CABIN1: variants seen among roughly 807,000 people sequenced by gnomAD.
CABIN1 encodes the protein calcineurin-binding protein cabin-1.
In CABIN1, 133 loss-of-function variants were observed where a neutral mutation model predicts 227.7. The observed-to-expected ratio is 0.58, with a 90% confidence interval of 0.51 to 0.67. The LOEUF (loss-of-function observed/expected upper bound fraction) is 0.67, where lower values mean the gene tolerates loss of function less well. CABIN1 is among the 30% of genes least tolerant of loss of function. The pLI, the probability that CABIN1 is intolerant of heterozygous loss-of-function variation, is 0.00. For missense variants in CABIN1, 2,408 were observed against 2,852.5 expected (o/e 0.84, Z 3.55); for synonymous variants, 1,086 against 1,155.1 (o/e 0.94, Z 1.21).
chr22:24,032,603 G>C (rs931675128), intron 1 of CABIN1, among the ~76,000 whole-genome samples: 1 of 152,138 alleles, frequency 6.6e-6, no homozygotes, highest in African/African-American at 2.4e-5. Context: ...ATTCTCACCA[G>C]GAATGTACAA....
chr22:24,116,676 G>C (rs1243647332), intron 27 of CABIN1, among the ~76,000 whole-genome samples: 2 of 152,246 alleles, frequency 1.3e-5, no homozygotes, highest in Admixed American at 6.5e-5. Flanking sequence ...CCTCTCAGCT[G>C]TTGGTGTCTT....
intron 26 of CABIN1, chr22:24,101,708 A>T (rs2042210890): frequency 6.6e-6 from 1 of 152,256 alleles, no homozygotes; most frequent in South Asian, 2.1e-4. Flanking sequence ...GAAATCCCTA[A>T]TGTTGAAGCT....
At chr22:24,078,435 C>T (rs1488606729) in intron 19 of CABIN1, among the ~76,000 whole-genome samples, 2 of 152,148 alleles carry the variant, frequency 1.3e-5, no homozygotes, top group African/African-American at 4.8e-5. Context: ...CTCTTCTTGC[C>T]CCAGGCTCAT....
intron 29 of CABIN1, among the ~76,000 whole-genome samples, chr22:24,159,139 GC>G (rs2046005279): frequency 6.6e-6 from 1 of 152,216 alleles, no homozygotes; most frequent in Non-Finnish European, 1.5e-5. Context: ...CTCCCAGGAG[GC>G]CAGGCTCTGC....
Position 24,060,069 on chromosome 22 carries a change from C to T in CABIN1, c.1545C>T (p.Tyr515=), listed in dbSNP as rs763351856. The change falls in exon 12 of 37, where the codon TAC becomes TAT. Residue 515 remains tyrosine, a synonymous_variant. Coordinates refer to ENST00000263119, the MANE Select transcript of CABIN1 (RefSeq NM_012295.4). ...TGGCGGAGGTCGTGCTCAGCGTCTA[C>T]CACAGCTGGAGGAGGCACAGCACCA... The part of the protein sequence containing the change: ...PGLAEVVLSV[Y]HSWRRHSTSL... 3 of 1,614,110 alleles carry T rather than the reference C, an allele frequency of 1.9e-6. No individual in the cohort carries two copies. Among genetic ancestry groups the T allele is most frequent in the Non-Finnish European group, 1.7e-6 (2 of 1,180,018 alleles).
At position 24,095,921 on chromosome 22, in the gene CABIN1, G is replaced by A. The variant is rs375652444; in HGVS notation, c.3787-10G>A. ...GAAGGCTGCTCACACTAGAGGTGTC[G>A]TTCTCCTAGGTGTACTTTCGGCTCC... is the stretch of plus-strand genomic sequence containing the variant. On this transcript the variant is annotated splice_polypyrimidine_tract_variant and intron_variant, in intron 24 of 36. Transcript: ENST00000263119. 1.4e-4 allele frequency: 218 copies of A among 1,613,758 alleles called. 2 individuals are homozygous for A. The highest frequency in any genetic ancestry group is 1.5e-4 in the Non-Finnish European group (180 of 1,179,896).
Position 24,178,302 on chromosome 22 carries a change from C to G in CABIN1, c.*106C>G. 7.1e-7 allele frequency: 1 copy of G among 1,411,438 alleles called. No individual in the cohort carries two copies. The highest frequency in any genetic ancestry group is 9.7e-7 in the Non-Finnish European group (1 of 1,028,062). 87.4% of individuals were successfully genotyped at this position (1,411,438 alleles called of 1,614,324 possible). ...CCAGAGGCCCACATGGATGCCACTC[C>G]CCACACAGCCCCCAGGCCTGCCCAG... On this transcript the variant is annotated 3_prime_UTR_variant, in exon 37 of 37. Transcript: ENST00000263119.
At chr22:24,160,128 C>T (rs989873260) in intron 29 of CABIN1, among the ~76,000 whole-genome samples, 1 of 152,088 alleles carries the variant, frequency 6.6e-6, no homozygotes, top group African/African-American at 2.4e-5. Context: ...ACTCAGTTTC[C>T]CTCTCTGGAA....
intron 8 of CABIN1, among the ~76,000 whole-genome samples, chr22:24,053,913 T>C (rs1215584615): frequency 6.6e-6 from 1 of 151,586 alleles, no homozygotes; most frequent in East Asian, 1.9e-4. Context: ...GCTCTAGGGG[T>C]TGGGGAAGGC....
At chr22:24,113,272 T>A (rs1207350450) in intron 26 of CABIN1, among the ~76,000 whole-genome samples, 1 of 152,236 alleles carries the variant, frequency 6.6e-6, no homozygotes, top group Non-Finnish European at 1.5e-5. Context: ...AATCAGTAAG[T>A]GCTATTAATC....
intron 5 of CABIN1, 25 bp from the exon 6 acceptor site, chr22:24,042,879 T>TGTGTGTGTGTGTGTGTGTGA: frequency 6.9e-7 from 1 of 1,450,352 alleles, no homozygotes; most frequent in Non-Finnish European, 9.5e-7. Context: ...TGTGTGTGTT[T>TGTGTGTGTGTGTGTGTGTGA]GCCCTCTGCT....
chr22:24,032,522 A>T (rs965983303), intron 1 of CABIN1, among the ~76,000 whole-genome samples: 7 of 152,176 alleles, frequency 4.6e-5, no homozygotes, highest in African/African-American at 1.7e-4. Context: ...TTTCTGGGTC[A>T]TGTAGTAATT....
chr22:24,066,914 A>C (rs2039721981), intron 15 of CABIN1, 73 bp from the exon 16 acceptor site: 7 of 1,468,130 alleles, frequency 4.8e-6, no homozygotes, highest in Non-Finnish European at 6.7e-6. Context: ...TGATAAAAAC[A>C]AACACTGGCC....
chr22:24,126,651 G>A (rs145859946), intron 28 of CABIN1, among the ~76,000 whole-genome samples: 314 of 152,260 alleles, frequency 2.1e-3, no homozygotes, highest in African/African-American at 7.4e-3. Flanking sequence ...GAGGCTTTCA[G>A]GGCAAGTTTT....
At chr22:24,145,751 A>G (rs147058998) in intron 29 of CABIN1, among the ~76,000 whole-genome samples, 2 of 152,312 alleles carry the variant, frequency 1.3e-5, no homozygotes, top group Non-Finnish European at 2.9e-5. Flanking sequence ...TGGACGCAAC[A>G]CAGTAGAGAT....
At chr22:24,086,562 C>A (rs1315966667) in intron 22 of CABIN1, among the ~76,000 whole-genome samples, 4 of 152,242 alleles carry the variant, frequency 2.6e-5, no homozygotes, top group African/African-American at 9.6e-5. Flanking sequence ...AGGTGCTAGG[C>A]GAGACTTGGT....
intron 29 of CABIN1, among the ~76,000 whole-genome samples, chr22:24,161,092 A>C (rs2046126375): frequency 6.6e-6 from 1 of 152,124 alleles, no homozygotes; most frequent in African/African-American, 2.4e-5. Flanking sequence ...TGTATCAGGC[A>C]CTCAGCTTAG....
intron 23 of CABIN1, among the ~76,000 whole-genome samples, chr22:24,088,177 T>C (rs2041296343): frequency 6.6e-6 from 1 of 152,140 alleles, no homozygotes; most frequent in South Asian, 2.1e-4. Context: ...CCTTGGCTCC[T>C]TGAGATGGAA....
intron 22 of CABIN1, 71 bp from the exon 23 acceptor site, chr22:24,087,381 C>T: frequency 2.5e-6 from 4 of 1,594,478 alleles, no homozygotes; most frequent in Non-Finnish European, 3.4e-6. Flanking sequence ...TGCCTGTCCA[C>T]TAGGCTGTCA....
Sources: allele counts gnomAD v4.1 joint callset (sites outside exome capture counted in the v4.1 genomes callset), GRCh38; gene constraint gnomAD v4.1.1; transcripts MANE v1.5; gene names NCBI Gene and HGNC (gene_info 2026-07-23, HGNC 2026-07-21).